STK33: variants seen among roughly 807,000 people sequenced by gnomAD.
STK33 encodes serine/threonine-protein kinase 33.
In STK33, 52 loss-of-function variants were observed where a neutral mutation model predicts 58.0. The observed-to-expected ratio is 0.90, with a 90% CI of 0.72 to 1.13. The LOEUF (loss-of-function observed/expected upper bound fraction) is 1.13. STK33 is among the 50% of genes most tolerant of loss of function. STK33 has a pLI of 0.00. For synonymous variants in STK33, 215 were observed against 200.1 expected (o/e 1.07, Z -0.63); for missense variants, 630 against 604.2 (o/e 1.04, Z -0.45).
chr11:8,516,057 C>A (rs1039650828), intron 1 of STK33, among the ~76,000 whole-genome samples: 2 of 152,154 alleles, frequency 1.3e-5, no homozygotes, highest in Non-Finnish European at 2.9e-5. Flanking sequence ...AAAAAGAAAG[C>A]AATCCTAAAA....
intron 14 of STK33, among the ~76,000 whole-genome samples, chr11:8,417,196 A>C (rs1300261262): frequency 3.3e-5 from 5 of 152,182 alleles, no homozygotes; most frequent in African/African-American, 4.8e-5. Context: ...ATAACAAATG[A>C]CAAGAAAGCA....
chr11:8,505,272 C>T (rs1309406552), intron 1 of STK33, among the ~76,000 whole-genome samples: 1 of 152,184 alleles, frequency 6.6e-6, no homozygotes, highest in Non-Finnish European at 1.5e-5. Context: ...TGAAGCCACG[C>T]AGTCTGTTAC....
At chr11:8,556,159 A>AG (rs1956732996) in intron 1 of STK33, among the ~76,000 whole-genome samples, 1 of 152,226 alleles carries the variant, frequency 6.6e-6, no homozygotes, top group Non-Finnish European at 1.5e-5. Flanking sequence ...TATTGAGACT[A>AG]GGGCCAGTTG....
chr11:8,472,010 C>G (rs911619467), intron 6 of STK33, among the ~76,000 whole-genome samples: 1 of 152,138 alleles, frequency 6.6e-6, no homozygotes, highest in Non-Finnish European at 1.5e-5. Flanking sequence ...ACTGCAGCCT[C>G]AAACTTCTGG....
At chr11:8,489,443 G>A (rs1391214625) in intron 1 of STK33, among the ~76,000 whole-genome samples, 3 of 152,064 alleles carry the variant, frequency 2.0e-5, no homozygotes, top group Non-Finnish European at 4.4e-5. Context: ...AGCTTATTTG[G>A]CTCATGGTTC....
chr11:8,432,047 C>T (rs2121312), intron 14 of STK33, among the ~76,000 whole-genome samples: 77,295 of 152,054 alleles, frequency 0.51, 20,250 homozygotes, highest in South Asian at 0.64. Context: ...CCACGTCTTA[C>T]GTGGCTTTAA....
chr11:8,570,853 T>G (rs1957761918), intron 1 of STK33, among the ~76,000 whole-genome samples: 2 of 152,224 alleles, frequency 1.3e-5, no homozygotes, highest in Non-Finnish European at 2.9e-5. Context: ...ATAGGTAGTT[T>G]ATTGCATGGC....
At chr11:8,372,229 G>A in the STK33 span, among the ~76,000 whole-genome samples, 4 of 152,104 alleles carry the variant, frequency 2.6e-5, no homozygotes, top group Non-Finnish European at 5.9e-5. Context: ...TATAAGCCAT[G>A]AGCTTGGTGT....
rs755760393 is a variant in STK33, at chr11:8,464,827, AG to A, written c.340-6del. The A allele has an allele frequency of 2.9e-5, 44 of 1,533,136 alleles. No homozygotes were observed. The highest frequency in any genetic ancestry group is 1.0e-4 in the Admixed American group (6 of 57,328). The allele number at this position is 1,533,136 out of a possible 1,614,324, so 95.0% of individuals were successfully genotyped here. On this transcript the variant is annotated splice_region_variant and splice_polypyrimidine_tract_variant and intron_variant, in intron 6 of 15. Coordinates refer to ENST00000687296, the MANE Select transcript of STK33 (RefSeq NM_001352389.2). ...TCTTCCAAAGGTATAGATTTCCTGG[AG>A]AAAAAAAAAAAAAGAGTTGTCTCTC...
chr11:8,342,905 G>A, the STK33 span, among the ~76,000 whole-genome samples: 2 of 152,266 alleles, frequency 1.3e-5, no homozygotes, highest in Non-Finnish European at 2.9e-5. Flanking sequence ...ATAAAGGTGT[G>A]TGTCAGGGAA....
chr11:8,535,569 T>C (rs989479277), intron 1 of STK33, among the ~76,000 whole-genome samples: 2 of 152,048 alleles, frequency 1.3e-5, no homozygotes, highest in Admixed American at 6.6e-5. Context: ...TGGCTATTAT[T>C]AAAATAAAAA....
At chr11:8,499,621 C>T (rs1019373461) in intron 1 of STK33, among the ~76,000 whole-genome samples, 26 of 152,282 alleles carry the variant, frequency 1.7e-4, no homozygotes, top group Admixed American at 1.4e-3. Flanking sequence ...CACATGCACA[C>T]GTAGGTTTAT....
intron 1 of STK33, among the ~76,000 whole-genome samples, chr11:8,532,403 G>A (rs1488127736): frequency 3.9e-5 from 6 of 152,220 alleles, no homozygotes; most frequent in Non-Finnish European, 5.9e-5. Flanking sequence ...GAGTAGGTAT[G>A]ACAGAGACCA....
intron 15 of STK33, among the ~76,000 whole-genome samples, chr11:8,393,950 C>T (rs1042676346): frequency 6.6e-6 from 1 of 152,156 alleles, no homozygotes; most frequent in East Asian, 1.9e-4. Flanking sequence ...AAGTGTGCCT[C>T]TTCAGAACAT....
chr11:8,482,739 TA>T (rs1393049155), intron 1 of STK33, among the ~76,000 whole-genome samples: 4 of 151,820 alleles, frequency 2.6e-5, no homozygotes, highest in Admixed American at 6.6e-5. Flanking sequence ...TTTATTTATT[TA>T]TTTTTTTGAG....
intron 1 of STK33, among the ~76,000 whole-genome samples, chr11:8,493,960 A>G (rs2138816123): frequency 6.6e-6 from 1 of 152,280 alleles, no homozygotes; most frequent in Non-Finnish European, 1.5e-5. Context: ...AAATAATAAG[A>G]GCTATTTATG....
At chr11:8,421,887 G>C (rs181973780) in intron 14 of STK33, among the ~76,000 whole-genome samples, 1 of 152,018 alleles carries the variant, frequency 6.6e-6, no homozygotes, top group Admixed American at 6.6e-5. Context: ...CTAATGAGTA[G>C]AAGTGCAATT....
chr11:8,393,350 C>T (rs1213293919), intron 15 of STK33, among the ~76,000 whole-genome samples: 1 of 152,206 alleles, frequency 6.6e-6, no homozygotes, highest in Non-Finnish European at 1.5e-5. Context: ...AAGTAGAAAA[C>T]AAGCAGATGG....
chr11:8,516,270 A>C (rs921707793), intron 1 of STK33, among the ~76,000 whole-genome samples: 1 of 152,204 alleles, frequency 6.6e-6, no homozygotes, highest in Non-Finnish European at 1.5e-5. Context: ...TAGTCAACTG[A>C]CCTTCAACAA....
Sources: allele counts gnomAD v4.1 joint callset (sites outside exome capture counted in the v4.1 genomes callset), GRCh38; gene constraint gnomAD v4.1.1; transcripts MANE v1.5; gene names NCBI Gene and HGNC (gene_info 2026-07-23, HGNC 2026-07-21).